The following SYT2 variants were observed in gnomAD, a reference collection of about 807,000 sequenced individuals.
SYT2 encodes synaptotagmin 2.
In SYT2, 15 loss-of-function variants were observed where a neutral mutation model predicts 39.9. The ratio of observed to expected loss-of-function variants is 0.38; its 90% CI spans 0.25 to 0.58. The LOEUF is 0.58. Among genes scored for constraint, SYT2 ranks in the 20% least tolerant of loss-of-function variants. SYT2 has a pLI of 0.70. For synonymous variants in SYT2, 181 were observed against 204.5 expected (o/e 0.89, Z 0.98); for missense variants, 389 against 530.3 (o/e 0.73, Z 2.62).
intron 1 of SYT2, among the ~76,000 whole-genome samples, chr1:202,669,379 C>T (rs934431552): frequency 2.0e-5 from 3 of 150,282 alleles, no homozygotes; most frequent in Admixed American, 6.6e-5. Context: ...AGGCTGGACG[C>T]GGTGGCTCAC....
intron 1 of SYT2, among the ~76,000 whole-genome samples, chr1:202,650,765 A>G (rs1692175763): frequency 6.6e-6 from 1 of 152,206 alleles, no homozygotes; most frequent in African/African-American, 2.4e-5. Flanking sequence ...AGCAGTGTGC[A>G]CAAAAGACCG....
At chr1:202,696,218 C>T (rs754711219) in intron 1 of SYT2, among the ~76,000 whole-genome samples, 3 of 152,160 alleles carry the variant, frequency 2.0e-5, no homozygotes, top group African/African-American at 7.2e-5. Context: ...CAACCCAAAT[C>T]GTGCCTCCCA....
At chr1:202,666,904 C>T (rs1692490372) in intron 1 of SYT2, among the ~76,000 whole-genome samples, 1 of 152,202 alleles carries the variant, frequency 6.6e-6, no homozygotes, top group African/African-American at 2.4e-5. Context: ...ATCACTTGAA[C>T]TCAGGAGGTA....
intron 1 of SYT2, among the ~76,000 whole-genome samples, chr1:202,609,413 G>A (rs2149075432): frequency 6.6e-6 from 1 of 152,266 alleles, no homozygotes. Flanking sequence ...ACCCAGTAAT[G>A]GGATTGCTGG....
chr1:202,609,080 A>G (rs564703953), intron 1 of SYT2, among the ~76,000 whole-genome samples: 9 of 124,736 alleles, frequency 7.2e-5, no homozygotes, highest in African/African-American at 2.8e-4. Context: ...TCCTGTGTCC[A>G]TGTGTTCTCA....
chr1:202,654,839 G>T (rs376439997), intron 1 of SYT2, among the ~76,000 whole-genome samples: 1 of 152,222 alleles, frequency 6.6e-6, no homozygotes, highest in Non-Finnish European at 1.5e-5. Context: ...ATTCCAGGCA[G>T]AATGACCAGC....
chr1:202,642,555 C>T (rs1250743810), intron 1 of SYT2, among the ~76,000 whole-genome samples: 1 of 152,240 alleles, frequency 6.6e-6, no homozygotes, highest in Non-Finnish European at 1.5e-5. Flanking sequence ...AGCCTGCTTC[C>T]TCCAATGCAC....
At chr1:202,622,625 C>G (rs890491134) in intron 1 of SYT2, among the ~76,000 whole-genome samples, 1 of 152,190 alleles carries the variant, frequency 6.6e-6, no homozygotes, top group African/African-American at 2.4e-5. Context: ...CTGCACCAAT[C>G]TTGGGCTGGC....
At chr1:202,667,465 CCGTGTGTGTG>C (rs1238346894) in intron 1 of SYT2, among the ~76,000 whole-genome samples, 1 of 120,048 alleles carries the variant, frequency 8.3e-6, no homozygotes, top group Non-Finnish European at 1.7e-5. Flanking sequence ...AAGTGACCAG[CCGTGTGTGTG>C]TGTGTGTGTG....
chr1:202,625,076 G>A (rs1691343115), intron 1 of SYT2, among the ~76,000 whole-genome samples: 1 of 152,004 alleles, frequency 6.6e-6, no homozygotes, highest in Non-Finnish European at 1.5e-5. Context: ...GTAGTAGGGT[G>A]TGTGTGTGGT....
intron 1 of SYT2, among the ~76,000 whole-genome samples, chr1:202,673,211 A>C (rs753615933): frequency 2.6e-5 from 4 of 152,192 alleles, no homozygotes; most frequent in Non-Finnish European, 4.4e-5. Context: ...TTAATAAATC[A>C]TCTGAAAAGG....
chr1:202,621,573 C>T (rs1691203219), intron 1 of SYT2, among the ~76,000 whole-genome samples: 1 of 152,202 alleles, frequency 6.6e-6, no homozygotes, highest in Non-Finnish European at 1.5e-5. Context: ...CCTTGACCTC[C>T]CAAAGTGCTG....
rs137894965 is a variant in SYT2, at chr1:202,677,945, C to T, written c.-18+32313G>A. 7.9e-4 allele frequency among the ~76,000 whole-genome samples: 121 copies of T among 152,254 alleles called. 1 individual carries two copies. The East Asian group carries it at 0.013, about 17-fold the overall frequency. Reference sequence around the variant, plus strand: ...GTTCTTAACTATACAGGGAAAAAGACTGACCAAACATTAACATTTGTTATT... The same window carrying T: ...GTTCTTAACTATACAGGGAAAAAGATTGACCAAACATTAACATTTGTTATT... On this transcript the variant is annotated intron_variant, in intron 1 of 8. Coordinates refer to ENST00000367268, the MANE Select transcript of SYT2 (RefSeq NM_177402.5).
At chr1:202,605,555 C>T in intron 2 of SYT2, 40 bp downstream of exon 2, 1 of 1,592,400 alleles carries the variant, frequency 6.3e-7, no homozygotes, top group Non-Finnish European at 8.6e-7. Context: ...CTCCCAGACT[C>T]TAGCCTTGCC....
intron 1 of SYT2, among the ~76,000 whole-genome samples, chr1:202,638,766 C>T (rs1243685769): frequency 6.6e-6 from 1 of 152,246 alleles, no homozygotes; most frequent in Non-Finnish European, 1.5e-5. Context: ...TCGCCCCTAC[C>T]CCGCCCCATC....
intron 1 of SYT2, among the ~76,000 whole-genome samples, chr1:202,629,896 GTTGCTCAGAAGTGACTCTGGAAGTCACTA>G (rs1691530666): frequency 7.3e-5 from 8 of 109,522 alleles, no homozygotes; most frequent in Admixed American, 1.8e-4. Flanking sequence ...CGGCAGGTGT[GTTGCTCAGAAGTGACTCTGGAAGTCACTA>G]GCACAAAAGG....
intron 1 of SYT2, among the ~76,000 whole-genome samples, chr1:202,659,018 A>T (rs1347918776): frequency 6.6e-6 from 1 of 152,112 alleles, no homozygotes; most frequent in Non-Finnish European, 1.5e-5. Context: ...AGGCCTTTAG[A>T]CTCAAGAAAA....
intron 1 of SYT2, among the ~76,000 whole-genome samples, chr1:202,635,772 G>A (rs1251210206): frequency 2.0e-5 from 3 of 152,166 alleles, no homozygotes; most frequent in African/African-American, 7.2e-5. Context: ...GTTCTTGGCA[G>A]AAGATATTGG....
intron 1 of SYT2, among the ~76,000 whole-genome samples, chr1:202,669,670 A>C (rs1359745165): frequency 6.6e-6 from 1 of 151,266 alleles, no homozygotes; most frequent in Non-Finnish European, 1.5e-5. Flanking sequence ...ACGTGGGAGG[A>C]TCACTTGAGC....
Sources: allele counts gnomAD v4.1 joint callset (sites outside exome capture counted in the v4.1 genomes callset), GRCh38; gene constraint gnomAD v4.1.1; transcripts MANE v1.5; gene names NCBI Gene and HGNC (gene_info 2026-07-23, HGNC 2026-07-21).